Variants in VPS13A observed in about 807,000 individuals in gnomAD.
VPS13A encodes the protein vacuolar protein sorting 13 homolog A, also known as intermembrane lipid transfer protein VPS13A.
In VPS13A, 264 loss-of-function variants were observed where a neutral mutation model predicts 390.9. That is an observed-to-expected ratio of 0.68 (90% CI 0.61 to 0.75). The LOEUF (loss-of-function observed/expected upper bound fraction) is 0.75. Ranked by LOEUF, VPS13A falls within the 30% of genes least tolerant of loss-of-function variation. VPS13A has a pLI of 0.00. For synonymous variants in VPS13A, 1,231 were observed against 1,227.1 expected (o/e 1.00, Z -0.07); for missense variants, 3,409 against 3,733.9 (o/e 0.91, Z 2.27).
At chr9:77,283,226 A>G (rs1169538845) in intron 29 of VPS13A, 129 bp from the exon 30 acceptor site, 2 of 622,632 alleles carry the variant, frequency 3.2e-6, no homozygotes, top group East Asian at 5.5e-5. Flanking sequence ...CCTTGCTTTC[A>G]ACTGAATTGC....
chr9:77,340,383 C>T, intron 49 of VPS13A, 21 bp from the exon 50 acceptor site: 1 of 1,604,578 alleles, frequency 6.2e-7, no homozygotes, highest in Middle Eastern at 1.7e-4. Context: ...AGTTTTTGAG[C>T]TGTTAATTTT....
chr9:77,365,693 C>A, intron 60 of VPS13A, 120 bp downstream of exon 60: 1 of 635,458 alleles, frequency 1.6e-6, no homozygotes, highest in Non-Finnish European at 2.7e-6. Flanking sequence ...AACTAAGTAA[C>A]AAAGGAATTA....
chr9:77,358,750 C>G (rs1831957536), intron 57 of VPS13A, among the ~76,000 whole-genome samples: 1 of 152,150 alleles, frequency 6.6e-6, no homozygotes, highest in African/African-American at 2.4e-5. Flanking sequence ...TAAGGAAGTT[C>G]AAATCTAGAG....
intron 71 of VPS13A, among the ~76,000 whole-genome samples, chr9:77,410,877 TCAA>T (rs1294840178): frequency 2.6e-5 from 4 of 151,074 alleles, no homozygotes; most frequent in Non-Finnish European, 4.4e-5. Context: ...CAACATTAGA[TCAA>T]CGAGACAAAG....
intron 19 of VPS13A, 115 bp downstream of exon 19, chr9:77,238,501 G>C: frequency 1.2e-6 from 1 of 856,102 alleles, no homozygotes; most frequent in East Asian, 2.7e-5. Flanking sequence ...TTCTAGACTG[G>C]TTTTAGTTTA....
intron 21 of VPS13A, among the ~76,000 whole-genome samples, chr9:77,251,042 A>G (rs558908568): frequency 6.6e-6 from 1 of 152,372 alleles, no homozygotes; most frequent in East Asian, 1.9e-4. Context: ...AGGAGAAACA[A>G]TGAGAATCCA....
chr9:77,304,036 C>G (rs1828555494), intron 34 of VPS13A, among the ~76,000 whole-genome samples: 1 of 152,138 alleles, frequency 6.6e-6, no homozygotes, highest in African/African-American at 2.4e-5. Flanking sequence ...TCAGGTCTTT[C>G]TCATCCCACG....
chr9:77,250,253 T>C lies in VPS13A; in HGVS notation c.2170+24T>C, dbSNP rs775526433. 4.3e-6 allele frequency: 7 copies of C among 1,610,966 alleles called. No individual in the cohort carries two copies. The African/African-American group carries it at 9.3e-5, about 22-fold the overall frequency. On this transcript the variant is annotated intron_variant, in intron 21 of 71. Coordinates refer to ENST00000360280, the MANE Select transcript of VPS13A (RefSeq NM_033305.3). ...TGGTGAGTATAAAATGCATTATTTG[T>C]TGATTGATTTTGTTGAAGTGATTAA... is the stretch of plus-strand genomic sequence containing the variant.
chr9:77,388,562 G>A (rs72748224), intron 68 of VPS13A, among the ~76,000 whole-genome samples: 11,478 of 152,086 alleles, frequency 0.075, 548 homozygotes, highest in Middle Eastern at 0.099. Context: ...TTATAAAACT[G>A]GCTTTTGATG....
rs542097278 is a variant in VPS13A, at chr9:77,291,213, C to T, written c.3340-2128C>T. 6.9e-4 allele frequency among the ~76,000 whole-genome samples: 104 copies of T among 150,232 alleles called. 6 individuals are homozygous for T. The South Asian group carries it at 0.021, about 30-fold the overall frequency. On this transcript the variant is annotated intron_variant, in intron 31 of 71. Transcript: ENST00000360280. ...AACCCTATTGTGAACTGTGCATACGCAGGATCTAGGTTGCATGCTCCTTGT... is the reference window on the plus strand; with the variant it reads ...AACCCTATTGTGAACTGTGCATACGTAGGATCTAGGTTGCATGCTCCTTGT...
At chr9:77,188,579 C>T (rs1048463724) in intron 1 of VPS13A, among the ~76,000 whole-genome samples, 8 of 152,130 alleles carry the variant, frequency 5.3e-5, no homozygotes, top group Admixed American at 1.3e-4. Context: ...GATGCACATA[C>T]GCATGCATGT....
In VPS13A at chr9:77,227,516, A is replaced by C. The variant is rs531849499; in HGVS notation, c.1452+31A>C. On this transcript the variant is annotated intron_variant, in intron 16 of 71. Transcript: ENST00000360280. ...ATGTTTTCTTGCCTTATACCTTAGA[A>C]TATATTTATTTATTTATTTGTTTAG... 4.1e-6 allele frequency: 6 copies of C among 1,477,514 alleles called. No homozygotes were observed. The South Asian group carries it at 6.9e-5, about 17-fold the overall frequency. 91.5% of individuals were successfully genotyped at this position (1,477,514 alleles called of 1,614,324 possible).
At chr9:77,255,540 G>T (rs1272285596) in intron 22 of VPS13A, among the ~76,000 whole-genome samples, 1 of 152,040 alleles carries the variant, frequency 6.6e-6, no homozygotes, top group Non-Finnish European at 1.5e-5. Context: ...TCTGGCTTTG[G>T]TATCAGGGTA....
intron 22 of VPS13A, among the ~76,000 whole-genome samples, chr9:77,255,413 A>C (rs1825383550): frequency 6.6e-6 from 1 of 152,120 alleles, no homozygotes; most frequent in African/African-American, 2.4e-5. Flanking sequence ...TCCAAGAGTA[A>C]ATGATATATA....
chr9:77,247,400 A>G lies in VPS13A; in HGVS notation c.2037+5A>G. ...TTGGACCTTGGTCATCTAAAGGTAT[A>G]TACTAATAATATTTGATTTATGATA... is the stretch of plus-strand genomic sequence containing the variant. On this transcript the variant is annotated splice_donor_5th_base_variant and intron_variant, in intron 20 of 71. Transcript: ENST00000360280. 6.2e-7 allele frequency: 1 copy of G among 1,602,160 alleles called. No homozygotes were observed. The highest frequency in any genetic ancestry group is 1.7e-5 in the Admixed American group (1 of 58,504).
intron 68 of VPS13A, among the ~76,000 whole-genome samples, chr9:77,392,256 A>G (rs1363663931): frequency 2.0e-5 from 3 of 152,204 alleles, no homozygotes; most frequent in Admixed American, 6.5e-5. Context: ...ATCTAAATCC[A>G]TATACCAATG....
intron 17 of VPS13A, among the ~76,000 whole-genome samples, chr9:77,232,260 C>T (rs1204325678): frequency 2.0e-5 from 3 of 152,010 alleles, no homozygotes; most frequent in South Asian, 2.1e-4. Context: ...GCTTACAAGA[C>T]CTTATGAATT....
chr9:77,234,672 T>C (rs1824032258), intron 17 of VPS13A, among the ~76,000 whole-genome samples: 1 of 152,190 alleles, frequency 6.6e-6, no homozygotes, highest in Non-Finnish European at 1.5e-5. Context: ...ACATGTTTAC[T>C]GGTAGGCAAG....
At chr9:77,197,654 C>G (rs1335756538) in intron 1 of VPS13A, among the ~76,000 whole-genome samples, 1 of 151,650 alleles carries the variant, frequency 6.6e-6, no homozygotes, top group Admixed American at 6.6e-5. Context: ...TTTTAGAATA[C>G]GTACATATAC....
Sources: gnomAD v4.1 joint callset for allele counts (sites outside exome capture counted in the v4.1 genomes callset) on GRCh38, gnomAD v4.1.1 for gene constraint, MANE v1.5 for transcripts, NCBI Gene and HGNC (gene_info 2026-07-23, HGNC 2026-07-21) for gene names.